The following PDE5A variants were observed in gnomAD, a reference collection of about 807,000 sequenced individuals.
PDE5A encodes the protein cGMP-specific 3',5'-cyclic phosphodiesterase.
A neutral mutation model predicts 110.2 loss-of-function variants in PDE5A; 67 were observed. The ratio of observed to expected loss-of-function variants is 0.61; its 90% CI spans 0.50 to 0.75. PDE5A has a LOEUF of 0.75. Among genes scored for constraint, PDE5A ranks in the 30% least tolerant of loss-of-function variants. The pLI is 0.00. For missense variants in PDE5A, 862 were observed against 1,045.1 expected, an observed-to-expected ratio of 0.82 and a Z score of 2.42; for synonymous variants, 328 against 351.2, an observed-to-expected ratio of 0.93 and a Z score of 0.74.
chr4:119,578,772 G>C (rs1422967342), intron 3 of PDE5A, among the ~76,000 whole-genome samples: 1 of 152,074 alleles, frequency 6.6e-6, no homozygotes, highest in African/African-American at 2.4e-5. Flanking sequence ...CAGGACATAG[G>C]CATGGGCAAG....
Position 119,498,484 on chromosome 4 carries a change from ACAG to A in PDE5A, c.*114_*116del, listed in dbSNP as rs1725167458. 1 of 1,116,136 alleles carries A rather than the reference ACAG, an allele frequency of 9.0e-7. No homozygotes were observed. Among genetic ancestry groups the A allele is most frequent in the Non-Finnish European group, 1.3e-6 (1 of 779,884 alleles). 69.1% of individuals were successfully genotyped at this position (1,116,136 alleles called of 1,614,324 possible). A position where few individuals can be genotyped will look rare whatever the true frequency, so the allele number is the denominator to read the frequency against. On this transcript the variant is annotated 3_prime_UTR_variant, in exon 21 of 21. Coordinates refer to ENST00000354960, the MANE Select transcript of PDE5A (RefSeq NM_001083.4). ...TCAAAAGTTGTGCAAAAATAAAAAT[ACAG>A]CAGTGGCAAAGTATATACCAAATAC... is the stretch of plus-strand genomic sequence containing the variant.
Position 119,509,698 on chromosome 4 carries a change from A to C in PDE5A, c.2088+1349T>G, listed in dbSNP as rs547598080. On this transcript the variant is annotated intron_variant, in intron 15 of 20. Transcript: ENST00000354960. ...GATATAATTCACATTAAACAGTCAC[A>C]TGTTGTAGAAAAACAATCTGTACTA... Among the ~76,000 whole-genome samples the C allele has an allele frequency of 7.9e-5, 12 of 152,154 alleles. No individual in the cohort carries two copies. The South Asian group carries it at 1.9e-3, about 24-fold the overall frequency.
rs1725489483 is a variant in PDE5A, at chr4:119,504,516, A to G, written c.2331+20T>C. The G allele has an allele frequency of 6.3e-6, 10 of 1,587,194 alleles. No individual in the cohort carries two copies. The highest frequency in any genetic ancestry group is 1.3e-5 in the African/African-American group (1 of 74,334). Reference sequence around the variant, plus strand: ...TTATTTTGACTTTTTAATTATTGTTATTGTCACTAAGTAACATACCCGTTG... The same window carrying G: ...TTATTTTGACTTTTTAATTATTGTTGTTGTCACTAAGTAACATACCCGTTG... On this transcript the variant is annotated intron_variant, in intron 18 of 20. Coordinates refer to ENST00000354960, the MANE Select transcript of PDE5A (RefSeq NM_001083.4).
At chr4:119,546,917 ATT>A (rs1163718362) in intron 9 of PDE5A, among the ~76,000 whole-genome samples, 1 of 151,938 alleles carries the variant, frequency 6.6e-6, no homozygotes, top group Non-Finnish European at 1.5e-5. Flanking sequence ...CTCTTTAATA[ATT>A]TGATAATTAG....
At chr4:119,499,460 T>C (rs1468252414) in intron 20 of PDE5A, 2 of 152,190 alleles carry the variant, frequency 1.3e-5, no homozygotes, top group Admixed American at 1.3e-4. Context: ...TATACATTGA[T>C]ATGTTATCTG....
chr4:119,526,959 G>T (rs1016825113), intron 11 of PDE5A: 17 of 152,108 alleles, frequency 1.1e-4, no homozygotes, highest in African/African-American at 2.4e-4. Context: ...TTAGATAAAG[G>T]GCTTAGTTGT....
chr4:119,545,860 T>C (rs920591085), intron 9 of PDE5A, among the ~76,000 whole-genome samples: 3 of 152,192 alleles, frequency 2.0e-5, no homozygotes, highest in African/African-American at 7.2e-5. Flanking sequence ...TATTAAAATG[T>C]AAAACGAACC....
At chr4:119,517,561 C>T (rs1578736271) in intron 14 of PDE5A, among the ~76,000 whole-genome samples, 1 of 149,720 alleles carries the variant, frequency 6.7e-6, no homozygotes, top group African/African-American at 2.5e-5. Context: ...CAAGATTCTG[C>T]AGTCAATGAC....
In PDE5A at chr4:119,627,059, G is replaced by T. The variant is rs1222718575; in HGVS notation, c.152+1461C>A. On this transcript the variant is annotated intron_variant, in intron 1 of 20. Coordinates refer to ENST00000354960, the MANE Select transcript of PDE5A (RefSeq NM_001083.4). The surrounding 1 kb of genome is among the most constrained non-coding windows in gnomAD (Gnocchi z 4.6). Reference sequence around the variant, plus strand: ...TTTTCAATGATACATCGTCCCACTGGTGCCACCGGGGCGCCACCACCCAGC... The same window carrying T: ...TTTTCAATGATACATCGTCCCACTGTTGCCACCGGGGCGCCACCACCCAGC... 1.4e-6 allele frequency: 2 copies of T among 1,440,480 alleles called. No individual in the cohort carries two copies. The highest frequency in any genetic ancestry group is 1.9e-6 in the Non-Finnish European group (2 of 1,034,992). 89.2% of individuals were successfully genotyped at this position (1,440,480 alleles called of 1,614,324 possible).
At chr4:119,578,677 A>G (rs1427967409) in intron 3 of PDE5A, among the ~76,000 whole-genome samples, 2 of 152,250 alleles carry the variant, frequency 1.3e-5, no homozygotes, top group Non-Finnish European at 2.9e-5. Flanking sequence ...CACCTTATAC[A>G]AAAATTAATT....
rs1726287823 is a variant in PDE5A, at chr4:119,525,661, ATTTTAAGGGTCT to A, written c.1655_1666del (p.Gln552_Ile556delinsLeu). 1 of 1,613,186 alleles carries A rather than the reference ATTTTAAGGGTCT, an allele frequency of 6.2e-7. No individual in the cohort carries two copies. The highest frequency in any genetic ancestry group is 1.7e-5 in the Admixed American group (1 of 59,934). On this transcript the variant is annotated inframe_deletion, in exon 12 of 21. Coordinates refer to ENST00000354960, the MANE Select transcript of PDE5A (RefSeq NM_001083.4). The surrounding 1 kb of genome is among the most constrained non-coding windows in gnomAD (Gnocchi z 4.3). Reference sequence around the variant, plus strand: ...AAAGTCACTGAAGCTAAAGTCAGTAATTTTAAGGGTCTGGGCAGATGGCACCACAGCAGCCTT... The same window carrying A: ...AAAGTCACTGAAGCTAAAGTCAGTAAGGGCAGATGGCACCACAGCAGCCTT...
At position 119,504,647 on chromosome 4, in the gene PDE5A, T is replaced by C. The variant is rs200306184; in HGVS notation, c.2268-48A>G. On this transcript the variant is annotated intron_variant, in intron 17 of 20. Transcript: ENST00000354960. ...AAAACTCCTATTTACTTTTGTGTTA[T>C]TATATACCCTCAGTAAATAGTTACT... is the stretch of plus-strand genomic sequence containing the variant. 898 of 1,445,676 alleles carry C rather than the reference T, an allele frequency of 6.2e-4. 2 individuals carry two copies. The Middle Eastern group carries it at 0.015, about 25-fold the overall frequency. The allele number at this position is 1,445,676 out of a possible 1,614,324, so 89.6% of individuals were successfully genotyped here.
chr4:119,558,274 T>C (rs564818629), intron 7 of PDE5A, among the ~76,000 whole-genome samples: 5 of 152,354 alleles, frequency 3.3e-5, no homozygotes, highest in African/African-American at 1.2e-4. Context: ...CCTGAATATG[T>C]TGTTTTACAT....
chr4:119,628,580 T>TCGACCGA lies in PDE5A; in HGVS notation c.85_91dup (p.Glu31ValfsTer19), dbSNP rs764566312. 6.2e-7 allele frequency: 1 copy of TCGACCGA among 1,612,396 alleles called. No homozygotes were observed. Among genetic ancestry groups the TCGACCGA allele is most frequent in the Non-Finnish European group, 8.5e-7 (1 of 1,178,930 alleles). Reference sequence around the variant, plus strand: ...GTCCCAGTGATCGTCCAGCCATGCTTCGACCGAGTCCTGATCCCTCTGCTG... The same window carrying TCGACCGA: ...GTCCCAGTGATCGTCCAGCCATGCTTCGACCGACGACCGAGTCCTGATCCCTCTGCTG... On this transcript the variant is annotated frameshift_variant, in exon 1 of 21. Transcript: ENST00000354960. LOFTEE classifies it high-confidence loss of function.
chr4:119,505,947 A>C lies in PDE5A; in HGVS notation c.2190-15T>G. 1 of 1,481,706 alleles carries C rather than the reference A, an allele frequency of 6.7e-7. No individual in the cohort carries two copies. Among genetic ancestry groups the C allele is most frequent in the Non-Finnish European group, 9.2e-7 (1 of 1,086,392 alleles). 91.8% of individuals were successfully genotyped at this position (1,481,706 alleles called of 1,614,324 possible). A position where few individuals can be genotyped will look rare whatever the true frequency, so the allele number is the denominator to read the frequency against. On this transcript the variant is annotated splice_polypyrimidine_tract_variant and intron_variant, in intron 16 of 20. Transcript: ENST00000354960. ...CTCCTCGCCTCCTACAATGTTTAAA[A>C]AAAAATTGTTAGTTATAATGAGTAC...
chr4:119,608,154 A>G (rs1429420493), intron 1 of PDE5A, among the ~76,000 whole-genome samples: 1 of 152,234 alleles, frequency 6.6e-6, no homozygotes, highest in Non-Finnish European at 1.5e-5. Context: ...TGTAAATATT[A>G]TCCCAATAAT....
At chr4:119,592,456 T>TAAAAAAAAAAAAAAAAAAAAA (rs55997249) in intron 3 of PDE5A, among the ~76,000 whole-genome samples, 1 of 66,176 alleles carries the variant, frequency 1.5e-5, no homozygotes, top group African/African-American at 6.5e-5. Flanking sequence ...AGACTCTGTT[T>TAAAAAAAAAAAAAAAAAAAAA]AAAAAAAAAA....
At chr4:119,565,844 T>C (rs1252000527) in intron 4 of PDE5A, among the ~76,000 whole-genome samples, 2 of 151,778 alleles carry the variant, frequency 1.3e-5, no homozygotes, top group African/African-American at 4.8e-5. Flanking sequence ...TTATATAAAG[T>C]TGCAAACATT....
chr4:119,540,032 T>G (rs1189309781), intron 10 of PDE5A, among the ~76,000 whole-genome samples: 1 of 152,180 alleles, frequency 6.6e-6, no homozygotes, highest in Non-Finnish European at 1.5e-5. Flanking sequence ...ATGTAAGGGT[T>G]ACCCAAACTG....
Sources: allele counts gnomAD v4.1 joint callset (sites outside exome capture counted in the v4.1 genomes callset), GRCh38; gene constraint gnomAD v4.1.1; non-coding constraint Gnocchi (gnomAD v3.1); transcripts MANE v1.5; gene names NCBI Gene and HGNC (gene_info 2026-07-23, HGNC 2026-07-21).